EPHB4: variants seen among roughly 807,000 people sequenced by gnomAD.
The protein encoded by EPHB4 is EPH receptor B4.
A neutral mutation model predicts 110.6 loss-of-function variants in EPHB4; 50 were observed. That is an observed-to-expected ratio of 0.45 (90% CI 0.36 to 0.57). The LOEUF (loss-of-function observed/expected upper bound fraction) is 0.57. Among genes scored for constraint, EPHB4 ranks in the 20% least tolerant of loss-of-function variants. EPHB4 has a pLI of 0.00. For synonymous variants in EPHB4, 592 were observed against 578.4 expected, an observed-to-expected ratio of 1.02 and a Z score of -0.34; for missense variants, 1,128 against 1,382.1, an observed-to-expected ratio of 0.82 and a Z score of 2.91.
chr7:100,811,414 T>A (rs963610513), intron 12 of EPHB4, among the ~76,000 whole-genome samples: 5 of 152,184 alleles, frequency 3.3e-5, no homozygotes, highest in African/African-American at 9.7e-5. Context: ...TTTACTTTTT[T>A]AAAAAGCCTG....
In EPHB4 at chr7:100,823,884, G is replaced by C. The variant is rs1455347632; in HGVS notation, c.171C>G (p.Thr57=). The part of the protein sequence containing the change: ...GLDEEQHSVR[T]YEVCDVQRAP... ...CACGCTGCACGTCACACACTTCGTA[G>C]GTGCGCACGCTGTGCTGTTCCTCAT... is the stretch of plus-strand genomic sequence containing the variant. The change falls in exon 3 of 17, where the codon ACC becomes ACG. Residue 57 remains threonine (T), a synonymous_variant. Transcript: ENST00000358173. 6.2e-7 allele frequency: 1 copy of C among 1,608,852 alleles called. No homozygotes were observed. Among genetic ancestry groups the C allele is most frequent in the Non-Finnish European group, 8.5e-7 (1 of 1,178,140 alleles).
chr7:100,815,563 TGTG>T (rs1813047546), intron 8 of EPHB4, among the ~76,000 whole-genome samples: 1 of 152,114 alleles, frequency 6.6e-6, no homozygotes, highest in African/African-American at 2.4e-5. Context: ...CAAAATTACT[TGTG>T]GTGGTGACTG....
At chr7:100,824,104 G>A in intron 2 of EPHB4, 99 bp downstream of exon 2, 15 of 1,564,502 alleles carry the variant, frequency 9.6e-6, no homozygotes, top group Non-Finnish European at 1.2e-5. Flanking sequence ...CATCTGGGGG[G>A]ACAGGGGAGA....
chr7:100,808,176 G>A (rs1352627253), intron 12 of EPHB4, among the ~76,000 whole-genome samples: 1 of 152,072 alleles, frequency 6.6e-6, no homozygotes, highest in Non-Finnish European at 1.5e-5. Flanking sequence ...ATTTAACCTG[G>A]TACACTGCTT....
Position 100,813,006 on chromosome 7 carries a change from G to T in EPHB4, c.1871-12C>A. ...CTCGCCAAACTCACCTTCAAACAAG[G>T]ACGCAGAGGTCATCAGCTCTCCCGC... On this transcript the variant is annotated splice_polypyrimidine_tract_variant and intron_variant, in intron 11 of 16. Transcript: ENST00000358173. 3 of 1,612,674 alleles carry T rather than the reference G, an allele frequency of 1.9e-6. No individual in the cohort carries two copies. The highest frequency in any genetic ancestry group is 2.5e-6 in the Non-Finnish European group (3 of 1,179,098).
At chr7:100,807,269 G>A (rs1812836730) in intron 13 of EPHB4, 96 bp downstream of exon 13, 1 of 1,308,570 alleles carries the variant, frequency 7.6e-7, no homozygotes, top group Admixed American at 1.9e-5. Flanking sequence ...CCTCTCCCTG[G>A]AGCAGGGCTG....
intron 8 of EPHB4, among the ~76,000 whole-genome samples, chr7:100,814,461 A>G (rs1813019783): frequency 6.6e-6 from 1 of 152,146 alleles, no homozygotes; most frequent in African/African-American, 2.4e-5. Flanking sequence ...TATTTTTAGT[A>G]GAGATGGGCT....
rs919475682 is a variant in EPHB4, at chr7:100,823,577, C to G, written c.411+67G>C. On this transcript the variant is annotated intron_variant, in intron 3 of 16. Coordinates refer to ENST00000358173, the MANE Select transcript of EPHB4 (RefSeq NM_004444.5). ...CCTCGCAACTACATCGGCTGCCCTC[C>G]AGGCCACGGGCCTGCTGGCTGGAAT... is the stretch of plus-strand genomic sequence containing the variant. The G allele has an allele frequency of 2.6e-6, 4 of 1,566,032 alleles. No individual in the cohort carries two copies. The African/African-American group carries it at 4.1e-5, about 16-fold the overall frequency.
intron 12 of EPHB4, 150 bp from the exon 13 acceptor site, chr7:100,807,730 C>T (rs995311878): frequency 4.9e-5 from 36 of 740,552 alleles, no homozygotes; most frequent in Non-Finnish European, 7.6e-5. Flanking sequence ...CAGCCTCAAC[C>T]TCCTGGGCTC....
intron 14 of EPHB4, chr7:100,806,080 T>A (rs1812812184): frequency 1.9e-5 from 5 of 261,020 alleles, no homozygotes; most frequent in Non-Finnish European, 3.6e-5. Context: ...TGTCTCAGCC[T>A]CCTGAGTAGC....
intron 16 of EPHB4, among the ~76,000 whole-genome samples, chr7:100,804,665 G>T (rs1163116752): frequency 6.6e-6 from 1 of 152,074 alleles, no homozygotes; most frequent in Admixed American, 6.6e-5. Context: ...GGTGAGAGGA[G>T]ATCTTGGGAG....
chr7:100,806,626 C>A, intron 13 of EPHB4, 57 bp from the exon 14 acceptor site: 1 of 1,557,694 alleles, frequency 6.4e-7, no homozygotes, highest in South Asian at 1.2e-5. Flanking sequence ...TCACCAGACC[C>A]AGCACACTGC....
chr7:100,805,420 C>A, intron 15 of EPHB4, 81 bp downstream of exon 15: 11 of 1,575,644 alleles, frequency 7.0e-6, no homozygotes, highest in Non-Finnish European at 8.6e-6. Flanking sequence ...GCCCTCCCAC[C>A]CAACACCAAT....
rs1339195462 is a variant in EPHB4 at position 100,807,319 on chromosome 7, C to T, written c.2334+46G>A. 6.3e-6 allele frequency: 10 copies of T among 1,597,134 alleles called. No individual in the cohort carries two copies. In the African/African-American group the frequency reaches 9.4e-5, roughly 15 times the overall value. ...TCCCACCTTTCCAACCTGCCCTGCC[C>T]ACCTGGCCCTAAGAAGCTCACACCC... On this transcript the variant is annotated intron_variant, in intron 13 of 16. Transcript: ENST00000358173.
rs369329535 is a variant in EPHB4, at chr7:100,822,676, G to T, written c.412-9C>A. On this transcript the variant is annotated splice_polypyrimidine_tract_variant and intron_variant, in intron 3 of 16. Transcript: ENST00000358173. This position sits in a 1 kb window ranked among gnomAD's most constrained non-coding sequence, Gnocchi z 4.7. ...GCGGCCACCGTGTCCACCTGCCGGC[G>T]GGGGGGAGGCACACCGCTGCTGTCC... 1.3e-6 allele frequency: 2 copies of T among 1,534,366 alleles called. No homozygotes were observed. Among genetic ancestry groups the T allele is most frequent in the African/African-American group, 1.4e-5 (1 of 73,348 alleles).
intron 12 of EPHB4, among the ~76,000 whole-genome samples, chr7:100,809,224 A>AC (rs1407362532): frequency 6.6e-5 from 10 of 152,186 alleles, no homozygotes; most frequent in African/African-American, 2.4e-4. Context: ...CTCCTGTCTT[A>AC]GTCTCCTGAG....
At chr7:100,817,721 G>A (rs1681736314) in intron 7 of EPHB4, among the ~76,000 whole-genome samples, 1 of 151,822 alleles carries the variant, frequency 6.6e-6, no homozygotes, top group Non-Finnish European at 1.5e-5. Flanking sequence ...TAGAGACGGG[G>A]ATTTCACCTT....
Position 100,813,408 on chromosome 7 carries a change from C to T in EPHB4, c.1757-200G>A, listed in dbSNP as rs913671480. On this transcript the variant is annotated intron_variant, in intron 10 of 16. Transcript: ENST00000358173. ...TTGGCTCACTGCAATCTCCGCCTCC[C>T]GGGTTAAAATGATTCTTCTGCCTCA... 9.2e-6 allele frequency: 6 copies of T among 653,988 alleles called. No individual in the cohort carries two copies. The South Asian group carries it at 1.2e-4, about 13-fold the overall frequency. The allele number at this position is 653,988 out of a possible 1,614,324, so 40.5% of individuals were successfully genotyped here.
At position 100,817,558 on chromosome 7, in the gene EPHB4, A is replaced by C. The variant is rs548995007; in HGVS notation, c.1423-201T>G. On this transcript the variant is annotated intron_variant, in intron 7 of 16. Coordinates refer to ENST00000358173, the MANE Select transcript of EPHB4 (RefSeq NM_004444.5). ...TTTTAAGACAAGGTCTCACTTTCTC[A>C]GGCTGGAATGCAATGGTGCAAACAC... Among the ~76,000 whole-genome samples, 21 of 152,286 alleles carry C rather than the reference A, an allele frequency of 1.4e-4. No individual in the cohort carries two copies. In the South Asian group the frequency reaches 4.3e-3, roughly 32 times the overall value.
Sources: allele counts gnomAD v4.1 joint callset (sites outside exome capture counted in the v4.1 genomes callset), GRCh38; gene constraint gnomAD v4.1.1; non-coding constraint Gnocchi (gnomAD v3.1); transcripts MANE v1.5; gene names NCBI Gene and HGNC (gene_info 2026-07-23, HGNC 2026-07-21).